TOMM20: variants seen among roughly 807,000 people sequenced by gnomAD.
TOMM20 encodes the protein translocase of outer mitochondrial membrane 20, also known as mitochondrial import receptor subunit TOM20 homolog.
A neutral mutation model predicts 22.1 loss-of-function variants in TOMM20; 10 were observed. That is an observed-to-expected ratio of 0.45 (90% confidence interval 0.28 to 0.77). The LOEUF (loss-of-function observed/expected upper bound fraction) is 0.77, where lower values mean the gene tolerates loss of function less well. TOMM20 is among the 30% of genes least tolerant of loss of function. The pLI, the probability that TOMM20 is intolerant of heterozygous loss-of-function variation, is 0.13. For synonymous variants in TOMM20, 55 were observed against 61.4 expected, an observed-to-expected ratio of 0.90 and a Z score of 0.49; for missense variants, 121 against 172.2, an observed-to-expected ratio of 0.70 and a Z score of 1.66.
chr1:235,128,837 G>C lies in TOMM20; in HGVS notation c.-122C>G. 7 of 1,492,140 alleles carry C rather than the reference G, an allele frequency of 4.7e-6. No individual in the cohort carries two copies. Among genetic ancestry groups the C allele is most frequent in the South Asian group, 3.7e-5 (3 of 80,218 alleles). The allele number at this position is 1,492,140 out of a possible 1,614,324, so 92.4% of individuals were successfully genotyped here. ...CGGCCGCGGGCCAGGAACACAGAAAGGCCGAGCACACGCCACTTCCGGTCC... is the reference window on the plus strand; with the variant it reads ...CGGCCGCGGGCCAGGAACACAGAAACGCCGAGCACACGCCACTTCCGGTCC... On this transcript the variant is annotated 5_prime_UTR_variant, in exon 1 of 5. Coordinates refer to ENST00000366607, the MANE Select transcript of TOMM20 (RefSeq NM_014765.3).
intron 3 of TOMM20, among the ~76,000 whole-genome samples, chr1:235,117,700 A>C (rs1660858709): frequency 6.6e-6 from 1 of 152,132 alleles, no homozygotes; most frequent in African/African-American, 2.4e-5. Flanking sequence ...GCTGCTGTGG[A>C]AAGACTGAGA....
chr1:235,125,108 T>C (rs1660988981), intron 1 of TOMM20, among the ~76,000 whole-genome samples: 1 of 152,226 alleles, frequency 6.6e-6, no homozygotes. Flanking sequence ...TCAAGGATCC[T>C]GATACTCTGC....
At chr1:235,122,278 A>G (rs752824777) in intron 2 of TOMM20, 48 bp downstream of exon 2, 2 of 1,392,034 alleles carry the variant, frequency 1.4e-6, no homozygotes, top group Non-Finnish European at 1.9e-6. Flanking sequence ...AGATTTTAAA[A>G]TAATATTTCT....
At chr1:235,115,652 A>G (rs1660816051) in intron 3 of TOMM20, among the ~76,000 whole-genome samples, 1 of 152,180 alleles carries the variant, frequency 6.6e-6, no homozygotes, top group South Asian at 2.1e-4. Flanking sequence ...AAAATAAAAA[A>G]ATAATAACAA....
intron 4 of TOMM20, among the ~76,000 whole-genome samples, chr1:235,112,574 A>G (rs1194900845): frequency 6.6e-6 from 1 of 152,036 alleles, no homozygotes; most frequent in African/African-American, 2.4e-5. Context: ...TGAACTCCTG[A>G]GCTCAAATGA....
At chr1:235,128,558 G>A (rs1661076352) in intron 1 of TOMM20, 37 bp downstream of exon 1, 1 of 1,611,226 alleles carries the variant, frequency 6.2e-7, no homozygotes, top group African/African-American at 1.3e-5. Flanking sequence ...GCGGCCGAAG[G>A]CAGCAAGCCT....
At chr1:235,127,951 G>A (rs1661056427) in intron 1 of TOMM20, 1 of 516,106 alleles carries the variant, frequency 1.9e-6, no homozygotes, top group South Asian at 1.4e-5. Context: ...TGAGCCAGGC[G>A]GATCATCTGA....
At chr1:235,122,218 C>A in intron 2 of TOMM20, 108 bp downstream of exon 2, 1 of 929,448 alleles carries the variant, frequency 1.1e-6, no homozygotes, top group Non-Finnish European at 1.5e-6. Context: ...AAGCAATGTC[C>A]AGTATCAACT....
intron 3 of TOMM20, among the ~76,000 whole-genome samples, chr1:235,117,137 A>C (rs78693248): frequency 3.0e-5 from 1 of 33,678 alleles, no homozygotes; most frequent in Non-Finnish European, 6.9e-5. Context: ...TCCATCTCAA[A>C]AAAAAAAAAA....
chr1:235,126,814 C>A (rs947212188), intron 1 of TOMM20, among the ~76,000 whole-genome samples: 6 of 152,040 alleles, frequency 3.9e-5, no homozygotes, highest in Non-Finnish European at 8.8e-5. Context: ...ACAACAACAA[C>A]AAAAAATCTC....
At position 235,113,925 on chromosome 1, in the gene TOMM20, T is replaced by A; in HGVS notation, c.251-15A>T. On this transcript the variant is annotated splice_polypyrimidine_tract_variant and intron_variant, in intron 3 of 4. Transcript: ENST00000366607. ...CTCATATTCACCTGTAAGATTTACA[T>A]AAAATTACATGTAACCTGAAAAGCC... 6.4e-7 allele frequency: 1 copy of A among 1,554,782 alleles called. No homozygotes were observed. The highest frequency in any genetic ancestry group is 8.7e-7 in the Non-Finnish European group (1 of 1,148,082).
At chr1:235,115,460 C>G (rs1462738580) in intron 3 of TOMM20, among the ~76,000 whole-genome samples, 1 of 151,758 alleles carries the variant, frequency 6.6e-6, no homozygotes, top group Non-Finnish European at 1.5e-5. Context: ...AACCCTACTG[C>G]TACTAAAAAT....
Position 235,119,806 on chromosome 1 carries a change from A to C in TOMM20, c.250+12T>G. The C allele has an allele frequency of 6.4e-7, 1 of 1,574,254 alleles. No individual in the cohort carries two copies. The highest frequency in any genetic ancestry group is 8.7e-7 in the Non-Finnish European group (1 of 1,154,848). ...ATTCTACCCATTTCCTTAGCTTTTC[A>C]ATGACTATTACCTTGAGCTAGTAAC... is the stretch of plus-strand genomic sequence containing the variant. On this transcript the variant is annotated intron_variant, in intron 3 of 4. Transcript: ENST00000366607.
At chr1:235,112,312 A>T (rs189549437) in intron 4 of TOMM20, among the ~76,000 whole-genome samples, 17 of 152,306 alleles carry the variant, frequency 1.1e-4, no homozygotes, top group African/African-American at 3.6e-4. Flanking sequence ...CCATTTCAAA[A>T]GTCAAGTTAA....
chr1:235,126,601 G>A (rs1043794884), intron 1 of TOMM20, among the ~76,000 whole-genome samples: 1 of 151,922 alleles, frequency 6.6e-6, no homozygotes, highest in Non-Finnish European at 1.5e-5. Flanking sequence ...TCAGGAGTTC[G>A]AGACCAACCT....
intron 1 of TOMM20, among the ~76,000 whole-genome samples, chr1:235,123,885 G>A (rs1232169685): frequency 6.6e-6 from 1 of 152,198 alleles, no homozygotes; most frequent in African/African-American, 2.4e-5. Flanking sequence ...GGTCTACACT[G>A]GAACCTGTAC....
chr1:235,128,797 G>A lies in TOMM20; in HGVS notation c.-82C>T, dbSNP rs752258589. The A allele has an allele frequency of 1.9e-6, 3 of 1,591,364 alleles. No individual in the cohort carries two copies. The highest frequency in any genetic ancestry group is 1.1e-5 in the South Asian group (1 of 89,974). On this transcript the variant is annotated 5_prime_UTR_variant, in exon 1 of 5. Transcript: ENST00000366607. The stretch of plus-strand genomic sequence containing the variant: ...GCCACGAACCCTCAGAGCGGTCGGC[G>A]CAGCTCACACCCGACGGCCGCGGGC...
intron 1 of TOMM20, among the ~76,000 whole-genome samples, chr1:235,124,282 G>A (rs150249243): frequency 0.011 from 1,730 of 152,366 alleles, 30 homozygotes; most frequent in African/African-American, 0.036. Context: ...GGGAGTTTGA[G>A]GTTGCAGTAA....
chr1:235,125,051 A>C (rs958042292), intron 1 of TOMM20, among the ~76,000 whole-genome samples: 7 of 152,328 alleles, frequency 4.6e-5, no homozygotes, highest in Non-Finnish European at 7.3e-5. Flanking sequence ...GTAATTTGGC[A>C]AATTACATTT....
Sources: allele counts gnomAD v4.1 joint callset (sites outside exome capture counted in the v4.1 genomes callset), GRCh38; gene constraint gnomAD v4.1.1; transcripts MANE v1.5; gene names NCBI Gene and HGNC (gene_info 2026-07-23, HGNC 2026-07-21).